Variants in TRIO observed in about 807,000 individuals in gnomAD.
The protein encoded by TRIO is triple functional domain protein.
In TRIO, 58 loss-of-function variants were observed where a neutral mutation model predicts 351.9. The observed-to-expected ratio is 0.16, with a 90% CI of 0.13 to 0.21. The LOEUF (loss-of-function observed/expected upper bound fraction) is 0.21. Among genes scored for constraint, TRIO ranks in the 10% least tolerant of loss-of-function variants. TRIO has a pLI of 1.00. For missense variants in TRIO, 3,201 were observed against 4,027.8 expected, an observed-to-expected ratio of 0.79 and a Z score of 5.56; for synonymous variants, 1,758 against 1,595.7, an observed-to-expected ratio of 1.10 and a Z score of -2.42.
chr5:14,495,695 G>C (rs186045331), intron 49 of TRIO, among the ~76,000 whole-genome samples: 2 of 148,524 alleles, frequency 1.3e-5, no homozygotes, highest in East Asian at 4.0e-4. Context: ...AAGGCCAGGC[G>C]TGGTGGCTCA....
intron 46 of TRIO, 85 bp downstream of exon 46, chr5:14,482,858 C>G (rs563761455): frequency 8.1e-7 from 1 of 1,237,906 alleles, no homozygotes; most frequent in East Asian, 2.7e-5. Flanking sequence ...TGATGACATA[C>G]CCTGATGCTT....
At chr5:14,361,513 C>T (rs1744151049) in intron 13 of TRIO, among the ~76,000 whole-genome samples, 1 of 152,204 alleles carries the variant, frequency 6.6e-6, no homozygotes, top group Non-Finnish European at 1.5e-5. Context: ...AAAATCTGAG[C>T]AGTTCAGGCT....
At chr5:14,144,381 A>G (rs1787363479) in intron 1 of TRIO, among the ~76,000 whole-genome samples, 2 of 152,116 alleles carry the variant, frequency 1.3e-5, no homozygotes, top group Admixed American at 1.3e-4. Context: ...CCTCGACCCC[A>G]TTAGCAGCCG....
Position 14,297,100 on chromosome 5 carries a change from T to A in TRIO, c.1205T>A (p.Met402Lys), listed in dbSNP as rs1561306182. ...MNVYVNINRI[M>K]SVANRLVESG... Reference sequence around the variant, plus strand: ...GTGTATGTAAATATAAACCGCATCATGTCGGTGGCCAATCGTCTGGTGGAG... The same window carrying A: ...GTGTATGTAAATATAAACCGCATCAAGTCGGTGGCCAATCGTCTGGTGGAG... The change falls in exon 7 of 57, where the codon ATG becomes AAG. Residue 402 changes from methionine (M) to lysine (K), a missense_variant. By Grantham distance (95) the Met-to-Lys change is moderately conservative. This residue lies in a region of TRIO where 349 missense variants were observed against 449.3 expected (regional missense o/e 0.78). Transcript: ENST00000344204. 6.2e-7 allele frequency: 1 copy of A among 1,613,710 alleles called. No individual in the cohort carries two copies.
chr5:14,324,182 G>A (rs1230962688), intron 9 of TRIO, among the ~76,000 whole-genome samples: 1 of 152,054 alleles, frequency 6.6e-6, no homozygotes, highest in East Asian at 1.9e-4. Flanking sequence ...CTGGCAGGGA[G>A]GAAATCTTTA....
At chr5:14,417,013 T>C (rs1228911422) in intron 33 of TRIO, among the ~76,000 whole-genome samples, 1 of 152,158 alleles carries the variant, frequency 6.6e-6, no homozygotes, top group African/African-American at 2.4e-5. Flanking sequence ...GCCATGGCAA[T>C]CTGTACCCTC....
chr5:14,488,054 A>G lies in TRIO; in HGVS notation c.7426A>G (p.Ser2476Gly). 6.2e-7 allele frequency: 1 copy of G among 1,608,438 alleles called. No individual in the cohort carries two copies. Among genetic ancestry groups the G allele is most frequent in the Non-Finnish European group, 8.5e-7 (1 of 1,178,456 alleles). ...PSLGKEPFPP[S>G]SPLQKGGSFW... is the part of the protein sequence containing the mutation. ...TCTCGGCAAGGAGCCCTTCCCCCCC[A>G]GCAGCCCCCTGCAGAAGGGGGGCTC... Residue 2476 changes from serine to glycine, a missense_variant, in exon 48 of 57, where the codon AGC (serine) becomes GGC (glycine). Coordinates refer to ENST00000344204, the MANE Select transcript of TRIO (RefSeq NM_007118.4).
At chr5:14,330,364 T>G (rs1283257740) in intron 9 of TRIO, among the ~76,000 whole-genome samples, 1 of 152,254 alleles carries the variant, frequency 6.6e-6, no homozygotes, top group East Asian at 1.9e-4. Flanking sequence ...TAAACTTGAA[T>G]TGCCTTAGTA....
chr5:14,434,936 A>G (rs1416533653), intron 34 of TRIO, among the ~76,000 whole-genome samples: 1 of 152,222 alleles, frequency 6.6e-6, no homozygotes, highest in East Asian at 1.9e-4. Context: ...AATAGTAAAT[A>G]AAGCAGTGTT....
intron 1 of TRIO, among the ~76,000 whole-genome samples, chr5:14,208,421 T>C (rs752601827): frequency 6.6e-6 from 1 of 152,212 alleles, no homozygotes; most frequent in Non-Finnish European, 1.5e-5. Context: ...ATACGACATA[T>C]TGCATGATGC....
At chr5:14,202,011 TA>T (rs1279452761) in intron 1 of TRIO, among the ~76,000 whole-genome samples, 2 of 151,148 alleles carry the variant, frequency 1.3e-5, no homozygotes, top group Non-Finnish European at 2.9e-5. Context: ...GAGATATACC[TA>T]ATGTAAATGA....
At chr5:14,152,564 G>A (rs1787902950) in intron 1 of TRIO, among the ~76,000 whole-genome samples, 1 of 152,184 alleles carries the variant, frequency 6.6e-6, no homozygotes. Context: ...TAGAGACGGG[G>A]TTTCACCATC....
chr5:14,414,339 G>A (rs547797160), intron 33 of TRIO, among the ~76,000 whole-genome samples: 56 of 152,376 alleles, frequency 3.7e-4, no homozygotes, highest in African/African-American at 1.3e-3. Context: ...ATGCGAGGGA[G>A]CTGCCACGTC....
intron 1 of TRIO, among the ~76,000 whole-genome samples, chr5:14,225,788 T>TCCCCCCC (rs1472666432): frequency 2.2e-5 from 1 of 46,018 alleles, no homozygotes; most frequent in African/African-American, 7.2e-5. Context: ...TATTCACTGC[T>TCCCCCCC]CCCACCCCCC....
At position 14,502,585 on chromosome 5, in the gene TRIO, G is replaced by A. The variant is rs769269295; in HGVS notation, c.8339G>A (p.Gly2780Glu). Residue 2780 changes from glycine (G) to glutamate (E), a missense_variant, in exon 54 of 57, where the codon GGG (glycine) becomes GAG (glutamate). Transcript: ENST00000344204. ...GGTGCTGTTCTTCTTGCAGGTCCAG[G>A]GATGGATGGGATCATGGTGACCTGG... ...SSASLRVLGP[G>E]MDGIMVTWKD... is the part of the protein sequence containing the mutation. 10 of 1,614,176 alleles carry A rather than the reference G, an allele frequency of 6.2e-6. No homozygotes were observed. Among genetic ancestry groups the A allele is most frequent in the Non-Finnish European group, 6.8e-6 (8 of 1,180,040 alleles).
At chr5:14,468,513 G>A (rs148722341) in intron 37 of TRIO, among the ~76,000 whole-genome samples, 1 of 152,350 alleles carries the variant, frequency 6.6e-6, no homozygotes, top group African/African-American at 2.4e-5. Context: ...CATTCTGCCA[G>A]GGAATGCGAT....
At chr5:14,425,971 T>C (rs1381349309) in intron 34 of TRIO, among the ~76,000 whole-genome samples, 1 of 152,248 alleles carries the variant, frequency 6.6e-6, no homozygotes, top group Non-Finnish European at 1.5e-5. Context: ...CTACTTTTAA[T>C]TTTTTGAGGC....
chr5:14,406,779 C>T (rs556458291), intron 33 of TRIO, 107 bp downstream of exon 33: 40 of 1,136,078 alleles, frequency 3.5e-5, no homozygotes, highest in Admixed American at 1.5e-4. Context: ...CATTTTCAAG[C>T]AGTTGATACG....
intron 34 of TRIO, among the ~76,000 whole-genome samples, chr5:14,439,889 G>A (rs1751887804): frequency 6.6e-6 from 1 of 152,164 alleles, no homozygotes; most frequent in Non-Finnish European, 1.5e-5. Flanking sequence ...TGGGTGCCCT[G>A]GATATAGCAT....
Sources: allele counts gnomAD v4.1 joint callset (sites outside exome capture counted in the v4.1 genomes callset), GRCh38; gene constraint gnomAD v4.1.1; regional missense constraint gnomAD v4.1.1; transcripts MANE v1.5; gene names NCBI Gene and HGNC (gene_info 2026-07-23, HGNC 2026-07-21).